KIF26B: variants seen among roughly 807,000 people sequenced by gnomAD.
KIF26B encodes kinesin family member 26B, also known as kinesin-like protein KIF26B.
A neutral mutation model predicts 151.2 loss-of-function variants in KIF26B; 63 were observed. That is an observed-to-expected ratio of 0.42 (90% confidence interval 0.34 to 0.51). KIF26B has a LOEUF of 0.51. Among genes scored for constraint, KIF26B ranks in the 20% least tolerant of loss-of-function variants. The pLI, the probability that KIF26B is intolerant of heterozygous loss-of-function variation, is 0.07. For synonymous variants in KIF26B, 1,357 were observed against 1,262.1 expected (o/e 1.08, Z -1.59); for missense variants, 2,813 against 2,913.6 (o/e 0.97, Z 0.79).
chr1:245,413,837 G>A (rs1674351385), intron 3 of KIF26B, among the ~76,000 whole-genome samples: 2 of 152,154 alleles, frequency 1.3e-5, no homozygotes, highest in Admixed American at 1.3e-4. Flanking sequence ...TGGAACTGAG[G>A]CCTGACATGC....
chr1:245,363,176 A>C (rs540721763), intron 2 of KIF26B, among the ~76,000 whole-genome samples: 4 of 152,266 alleles, frequency 2.6e-5, no homozygotes, highest in African/African-American at 9.6e-5. Flanking sequence ...CGAGGCATCT[A>C]TGGCTCTGAA....
intron 5 of KIF26B, among the ~76,000 whole-genome samples, chr1:245,565,936 G>A (rs539674238): frequency 3.5e-4 from 53 of 152,348 alleles, no homozygotes; most frequent in Non-Finnish European, 6.0e-4. Context: ...TGCAAAGGGA[G>A]CAGGCATGTC....
intron 3 of KIF26B, among the ~76,000 whole-genome samples, chr1:245,411,547 C>T (rs1674284463): frequency 1.3e-5 from 2 of 152,074 alleles, no homozygotes; most frequent in Admixed American, 1.3e-4. Flanking sequence ...TTTCACCTCG[C>T]CGGGGGAGTG....
In KIF26B at chr1:245,282,292, T is replaced by A. The variant is rs113924856; in HGVS notation, c.466-84542T>A. Among the ~76,000 whole-genome samples the A allele has an allele frequency of 2.1e-4, 32 of 152,258 alleles. 1 individual carries two copies. The highest frequency in any genetic ancestry group is 7.0e-4 in the African/African-American group (29 of 41,546). ...AAAAGAGCCCGCATTGCCAAGTCAA[T>A]CCTAAGCCAAAAGAACAAAGCTGGA... On this transcript the variant is annotated intron_variant, in intron 2 of 14. Transcript: ENST00000407071.
At chr1:245,369,195 G>GAGAGAGAGAGAGAGAGACAGAC (rs375330671) in intron 3 of KIF26B, among the ~76,000 whole-genome samples, 2 of 129,616 alleles carry the variant, frequency 1.5e-5, no homozygotes, top group Non-Finnish European at 1.7e-5. Context: ...GAGAGAGAGA[G>GAGAGAGAGAGAGAGAGACAGAC]AGACAGACAG....
At chr1:245,303,197 CTTTTTTTTTTTT>C (rs757473264) in intron 2 of KIF26B, among the ~76,000 whole-genome samples, 1 of 102,610 alleles carries the variant, frequency 9.7e-6, no homozygotes, top group Non-Finnish European at 1.9e-5. Context: ...ACTAAATGTT[CTTTTTTTTTTTT>C]TTTTTTTGCG....
intron 2 of KIF26B, among the ~76,000 whole-genome samples, chr1:245,299,035 T>C (rs1671382684): frequency 6.6e-6 from 1 of 152,234 alleles, no homozygotes. Flanking sequence ...TGGCATTTTA[T>C]GTGGTTTTCA....
intron 2 of KIF26B, among the ~76,000 whole-genome samples, chr1:245,243,562 G>A (rs1311061617): frequency 2.6e-5 from 4 of 152,006 alleles, no homozygotes; most frequent in Admixed American, 1.3e-4. Context: ...TCTTTTCACA[G>A]TGTTTAAAGA....
intron 2 of KIF26B, among the ~76,000 whole-genome samples, chr1:245,326,264 G>A (rs1261567541): frequency 6.6e-6 from 1 of 152,144 alleles, no homozygotes; most frequent in Non-Finnish European, 1.5e-5. Context: ...GTCACAAGGT[G>A]TTCTGTTTAG....
chr1:245,205,675 G>A (rs1669390231), intron 2 of KIF26B, among the ~76,000 whole-genome samples: 1 of 151,318 alleles, frequency 6.6e-6, no homozygotes, highest in South Asian at 2.1e-4. Flanking sequence ...GAACAGAACA[G>A]TTTCCTGAGG....
At chr1:245,362,635 C>T (rs1308000882) in intron 2 of KIF26B, among the ~76,000 whole-genome samples, 2 of 152,096 alleles carry the variant, frequency 1.3e-5, no homozygotes, top group Non-Finnish European at 2.9e-5. Context: ...TCCTCTCTGA[C>T]AATGGCTAAT....
chr1:245,376,494 G>T (rs1370832780), intron 3 of KIF26B, among the ~76,000 whole-genome samples: 1 of 152,114 alleles, frequency 6.6e-6, no homozygotes, highest in Non-Finnish European at 1.5e-5. Context: ...GTGGGACCCA[G>T]GCCTTGGTTT....
chr1:245,685,822 T>C lies in KIF26B; in HGVS notation c.2839T>C (p.Phe947Leu). ...DGSEEPSSFP[F>L]EELPAQFGPE... Reference sequence around the variant, plus strand: ...CAGCGAGGAGCCCAGCAGCTTTCCTTTCGAAGAACTGCCTGCTCAGTTTGG... The same window carrying C: ...CAGCGAGGAGCCCAGCAGCTTTCCTCTCGAAGAACTGCCTGCTCAGTTTGG... Residue 947 changes from phenylalanine to leucine, a missense_variant, in exon 12 of 15, where the codon TTC (phenylalanine) becomes CTC (leucine). Transcript: ENST00000407071. The C allele has an allele frequency of 5.6e-6, 9 of 1,610,862 alleles. No individual in the cohort carries two copies. The highest frequency in any genetic ancestry group is 1.7e-5 in the Admixed American group (1 of 59,902).
intron 3 of KIF26B, among the ~76,000 whole-genome samples, chr1:245,369,195 G>GAGACAGACAGAC (rs1553268129): frequency 7.7e-6 from 1 of 129,504 alleles, no homozygotes; most frequent in African/African-American, 3.1e-5. Context: ...GAGAGAGAGA[G>GAGACAGACAGAC]AGACAGACAG....
At chr1:245,209,434 A>G (rs146618627) in intron 2 of KIF26B, among the ~76,000 whole-genome samples, 46 of 152,278 alleles carry the variant, frequency 3.0e-4, no homozygotes, top group African/African-American at 9.4e-4. Flanking sequence ...ATAAAAAAAG[A>G]AAACATTAAC....
At chr1:245,618,976 T>TGAA (rs2043626353) in intron 9 of KIF26B, among the ~76,000 whole-genome samples, 1 of 134,482 alleles carries the variant, frequency 7.4e-6, no homozygotes, top group African/African-American at 3.1e-5. Flanking sequence ...CTGTGTCCAC[T>TGAA]GCATCAGTGT....
intron 10 of KIF26B, among the ~76,000 whole-genome samples, chr1:245,680,038 C>A (rs901989411): frequency 3.3e-5 from 5 of 152,146 alleles, no homozygotes; most frequent in African/African-American, 1.2e-4. Context: ...TTCCTCTTTT[C>A]TCTTCCTCTC....
intron 5 of KIF26B, among the ~76,000 whole-genome samples, chr1:245,549,150 A>T (rs1661821513): frequency 6.6e-6 from 1 of 152,100 alleles, no homozygotes; most frequent in Admixed American, 6.6e-5. Flanking sequence ...AGTGTGTAGG[A>T]GGAGGAGAAG....
At position 245,609,494 on chromosome 1, in the gene KIF26B, T is replaced by G; in HGVS notation, c.1880T>G (p.Val627Gly). 1 of 1,590,188 alleles carries G rather than the reference T, an allele frequency of 6.3e-7. No homozygotes were observed. The highest frequency in any genetic ancestry group is 8.6e-7 in the Non-Finnish European group (1 of 1,167,434). ...CTGCAGGACGGCCAGTCCCCGGGCGTGTACCTCTGTGAGGACCCCATCTGC... is the reference window on the plus strand; with the variant it reads ...CTGCAGGACGGCCAGTCCCCGGGCGGGTACCTCTGTGAGGACCCCATCTGC... ...GSLQDGQSPG[V>G]YLCEDPICGT... Residue 627 changes from valine (V) to glycine (G), a missense_variant, in exon 8 of 15, where the codon GTG becomes GGG. Coordinates refer to ENST00000407071, the MANE Select transcript of KIF26B (RefSeq NM_018012.4).
Sources: gnomAD v4.1 joint callset for allele counts (sites outside exome capture counted in the v4.1 genomes callset) on GRCh38, gnomAD v4.1.1 for gene constraint, MANE v1.5 for transcripts, NCBI Gene and HGNC (gene_info 2026-07-23, HGNC 2026-07-21) for gene names.